Variants in TRIM44 observed in about 807,000 individuals in gnomAD.
TRIM44 encodes the protein tripartite motif containing 44, also known as tripartite motif-containing protein 44.
TRIM44 carries 13 observed loss-of-function variants against 37.4 expected under a neutral mutation model. The observed-to-expected ratio is 0.35, with a 90% CI of 0.23 to 0.55. The LOEUF is 0.55. Among genes scored for constraint, TRIM44 ranks in the 20% least tolerant of loss-of-function variants. The pLI is 0.89. For missense variants in TRIM44, 426 were observed against 437.2 expected (o/e 0.97, Z 0.23); for synonymous variants, 175 against 157.2 (o/e 1.11, Z -0.85).
intron 4 of TRIM44, among the ~76,000 whole-genome samples, chr11:35,777,854 G>A (rs536964743): frequency 6.6e-6 from 1 of 152,116 alleles, no homozygotes; most frequent in Non-Finnish European, 1.5e-5. Context: ...TCCCTTTGTG[G>A]GTAACCCGAC....
In TRIM44 at chr11:35,663,103, A is replaced by G. The variant is rs778995399; in HGVS notation, c.-9A>G. The G allele has an allele frequency of 8.5e-5, 128 of 1,502,568 alleles. No homozygotes were observed. Among genetic ancestry groups the G allele is most frequent in the Non-Finnish European group, 3.6e-5 (41 of 1,131,336 alleles). The allele number at this position is 1,502,568 out of a possible 1,614,324, so 93.1% of individuals were successfully genotyped here. A position where few individuals can be genotyped will look rare whatever the true frequency, so the allele number is the denominator to read the frequency against. ...GGCCCCGAGGCCTTGGCCGCGTCAC[A>G]GCACCCACATGGCCTCTGGAGTGGG... On this transcript the variant is annotated 5_prime_UTR_variant, in exon 1 of 5. Transcript: ENST00000299413.
At chr11:35,685,826 G>A (rs965883318) in intron 2 of TRIM44, among the ~76,000 whole-genome samples, 1 of 152,172 alleles carries the variant, frequency 6.6e-6, no homozygotes, top group Non-Finnish European at 1.5e-5. Context: ...ACCATGCCCT[G>A]CTAATTTTTG....
intron 2 of TRIM44, among the ~76,000 whole-genome samples, chr11:35,715,358 A>T (rs1397559378): frequency 6.6e-6 from 1 of 151,814 alleles, no homozygotes; most frequent in Non-Finnish European, 1.5e-5. Flanking sequence ...TAAAGTACAA[A>T]GCCTCTAGGA....
intron 4 of TRIM44, among the ~76,000 whole-genome samples, chr11:35,744,619 T>C (rs1852462913): frequency 6.6e-6 from 1 of 152,146 alleles, no homozygotes; most frequent in African/African-American, 2.4e-5. Context: ...GTTTGTTACA[T>C]AGGTAAACGT....
intron 4 of TRIM44, among the ~76,000 whole-genome samples, chr11:35,802,233 G>C (rs1853380551): frequency 6.6e-6 from 1 of 152,154 alleles, no homozygotes; most frequent in East Asian, 1.9e-4. Flanking sequence ...AATTTGAAGT[G>C]TTAGATCGAT....
intron 2 of TRIM44, among the ~76,000 whole-genome samples, chr11:35,701,269 C>G (rs1175230344): frequency 6.6e-6 from 1 of 151,740 alleles, no homozygotes; most frequent in Non-Finnish European, 1.5e-5. Context: ...GTTTTTTTTC[C>G]CCCCGAAACG....
intron 1 of TRIM44, among the ~76,000 whole-genome samples, chr11:35,664,760 A>G (rs116145236): frequency 6.6e-6 from 1 of 152,346 alleles, no homozygotes; most frequent in African/African-American, 2.4e-5. Flanking sequence ...ATAATTATAA[A>G]ACAAGTACTG....
chr11:35,679,229 GACTT>G (rs1851499164), intron 1 of TRIM44, among the ~76,000 whole-genome samples: 1 of 152,264 alleles, frequency 6.6e-6, no homozygotes, highest in Admixed American at 6.5e-5. Context: ...AGACTAGACT[GACTT>G]CCATGAAAGT....
At position 35,809,300 on chromosome 11, in the gene TRIM44, T is replaced by C; in HGVS notation, c.*2915T>C. The C allele has an allele frequency of 6.6e-6, 1 of 152,222 alleles. No homozygotes were observed. The highest frequency in any genetic ancestry group is 1.5e-5 in the Non-Finnish European group (1 of 68,016). 9.4% of individuals were successfully genotyped at this position (152,222 alleles called of 1,614,324 possible). A position where few individuals can be genotyped will look rare whatever the true frequency, so the allele number is the denominator to read the frequency against. On this transcript the variant is annotated 3_prime_UTR_variant, in exon 5 of 5. Transcript: ENST00000299413. ...ACTCAAGCCAAATCTTGAACGCAGC[T>C]CCCCCTAATTCTGTGGACAGGCACT... is the stretch of plus-strand genomic sequence containing the variant.
chr11:35,749,690 AC>A (rs1852538162), intron 4 of TRIM44, among the ~76,000 whole-genome samples: 1 of 152,238 alleles, frequency 6.6e-6, no homozygotes, highest in African/African-American at 2.4e-5. Flanking sequence ...CCTAAAACAA[AC>A]AAACAGAGCA....
At chr11:35,711,468 GTTT>G (rs11344545) in intron 2 of TRIM44, among the ~76,000 whole-genome samples, 1 of 138,334 alleles carries the variant, frequency 7.2e-6, no homozygotes, top group Admixed American at 7.1e-5. Context: ...CAGATTTTTT[GTTT>G]TTTTTTTTTT....
chr11:35,683,238 G>A (rs189319748), intron 1 of TRIM44, among the ~76,000 whole-genome samples: 1 of 152,204 alleles, frequency 6.6e-6, no homozygotes, highest in East Asian at 1.9e-4. Flanking sequence ...ATTAGTGGAG[G>A]ATATAGGGGA....
intron 4 of TRIM44, among the ~76,000 whole-genome samples, chr11:35,745,534 A>G (rs921072562): frequency 1.3e-5 from 2 of 152,210 alleles, no homozygotes; most frequent in African/African-American, 4.8e-5. Context: ...TGGAAACAGC[A>G]GCTTTAAGTG....
At chr11:35,751,481 G>A (rs909970835) in intron 4 of TRIM44, among the ~76,000 whole-genome samples, 1 of 152,128 alleles carries the variant, frequency 6.6e-6, no homozygotes, top group African/African-American at 2.4e-5. Flanking sequence ...AAGAGAGAAG[G>A]GCAGTGAGAC....
At chr11:35,694,846 C>T (rs752418303) in intron 2 of TRIM44, among the ~76,000 whole-genome samples, 5 of 152,022 alleles carry the variant, frequency 3.3e-5, no homozygotes, top group South Asian at 4.2e-4. Context: ...TTAGATGATC[C>T]GGTCTTTGGG....
chr11:35,663,327 C>G lies in TRIM44; in HGVS notation c.216C>G (p.Asp72Glu), dbSNP rs777650546. The stretch of plus-strand genomic sequence containing the variant: ...CCCAGGCCTGGACCCCGCCAGCTGA[C>G]GGAGAGGGGGCGGGGAAGGAAGAAG... ...HGSQAWTPPADGEGAGKEEAE... is the reference protein window; with the variant it reads ...HGSQAWTPPAEGEGAGKEEAE... Residue 72 changes from aspartate (D) to glutamate (E), a missense_variant, in exon 1 of 5, where the codon GAC becomes GAG. Coordinates refer to ENST00000299413, the MANE Select transcript of TRIM44 (RefSeq NM_017583.6). 1.9e-6 allele frequency: 3 copies of G among 1,613,820 alleles called. No individual in the cohort carries two copies. The African/African-American group carries it at 4.0e-5, about 22-fold the overall frequency.
chr11:35,772,586 T>G, intron 4 of TRIM44, among the ~76,000 whole-genome samples: 1 of 152,230 alleles, frequency 6.6e-6, no homozygotes, highest in East Asian at 1.9e-4. Flanking sequence ...TTTGGAGCTT[T>G]AAGATTTGAC....
intron 2 of TRIM44, among the ~76,000 whole-genome samples, chr11:35,715,391 A>T (rs1420485295): frequency 4.7e-5 from 7 of 148,494 alleles, no homozygotes; most frequent in Admixed American, 2.7e-4. Flanking sequence ...AGCCTATATT[A>T]TTCTCTCTGT....
At chr11:35,670,343 T>C (rs1405779872) in intron 1 of TRIM44, among the ~76,000 whole-genome samples, 1 of 152,238 alleles carries the variant, frequency 6.6e-6, no homozygotes, top group Non-Finnish European at 1.5e-5. Context: ...GTTTTTCCTC[T>C]TGATGACTTC....
Sources: gnomAD v4.1 joint callset for allele counts (sites outside exome capture counted in the v4.1 genomes callset) on GRCh38, gnomAD v4.1.1 for gene constraint, MANE v1.5 for transcripts, NCBI Gene and HGNC (gene_info 2026-07-23, HGNC 2026-07-21) for gene names.